The following RHOA variants were observed in gnomAD, a reference collection of about 807,000 sequenced individuals.
RHOA encodes the protein transforming protein RhoA.
Under a neutral mutation model 17.5 loss-of-function variants are expected in RHOA, and 3 were observed. The ratio of observed to expected loss-of-function variants is 0.17; its 90% CI spans 0.08 to 0.44. RHOA has a LOEUF of 0.44. Ranked by LOEUF, RHOA falls within the 20% of genes least tolerant of loss-of-function variation. The probability of loss-of-function intolerance (pLI) is 0.99; values close to 1 mark genes in which losing one functional copy is unlikely to be tolerated. For missense variants in RHOA, 56 were observed against 242.3 expected (o/e 0.23, Z 5.10); for synonymous variants, 98 against 88.4 (o/e 1.11, Z -0.61).
intron 1 of RHOA, among the ~76,000 whole-genome samples, chr3:49,404,327 G>A: frequency 6.6e-6 from 1 of 150,856 alleles, no homozygotes; most frequent in Non-Finnish European, 1.5e-5. Flanking sequence ...AGGCGCAGTG[G>A]CTCACACCCG....
At chr3:49,389,823 GCT>G (rs2107876181) in intron 1 of RHOA, among the ~76,000 whole-genome samples, 1 of 151,318 alleles carries the variant, frequency 6.6e-6, no homozygotes, top group Non-Finnish European at 1.5e-5. Flanking sequence ...TGTAGTCCCA[GCT>G]ACTTGGGAGG....
intron 1 of RHOA, among the ~76,000 whole-genome samples, chr3:49,407,386 G>A (rs1305621724): frequency 6.6e-6 from 1 of 151,788 alleles, no homozygotes; most frequent in African/African-American, 2.4e-5. Context: ...GGCGCCTGCT[G>A]CCACGCCCAG....
chr3:49,365,924 G>T (rs1188605138), intron 3 of RHOA, among the ~76,000 whole-genome samples: 2 of 152,100 alleles, frequency 1.3e-5, no homozygotes, highest in African/African-American at 4.8e-5. Flanking sequence ...GCGCAGCAGT[G>T]TGTGCCTGTA....
At chr3:49,394,514 C>T (rs1465351416) in intron 1 of RHOA, among the ~76,000 whole-genome samples, 1 of 152,050 alleles carries the variant, frequency 6.6e-6, no homozygotes, top group African/African-American at 2.4e-5. Context: ...CCATGCCCAG[C>T]TAATTTTTGT....
intron 1 of RHOA, among the ~76,000 whole-genome samples, chr3:49,392,180 G>A (rs2048523427): frequency 6.6e-6 from 1 of 152,106 alleles, no homozygotes; most frequent in African/African-American, 2.4e-5. Context: ...ATGCTGGTCA[G>A]GCACAGTGAC....
chr3:49,365,544 T>G (rs2048041863), intron 3 of RHOA, among the ~76,000 whole-genome samples: 1 of 152,004 alleles, frequency 6.6e-6, no homozygotes, highest in Non-Finnish European at 1.5e-5. Context: ...ACATAGAATT[T>G]GAATAAATTG....
intron 1 of RHOA, among the ~76,000 whole-genome samples, chr3:49,388,335 A>G (rs1328290138): frequency 2.0e-5 from 3 of 152,106 alleles, no homozygotes; most frequent in Non-Finnish European, 4.4e-5. Flanking sequence ...GAGCCATGAC[A>G]TCCAGCCAGC....
At chr3:49,404,940 CAA>C (rs1234076692) in intron 1 of RHOA, among the ~76,000 whole-genome samples, 1 of 92,092 alleles carries the variant, frequency 1.1e-5, no homozygotes, top group Non-Finnish European at 2.3e-5. Context: ...CTCTTGTCTC[CAA>C]AAAAAAAAAT....
chr3:49,360,535 T>G (rs1027147391), intron 4 of RHOA, among the ~76,000 whole-genome samples, 153 bp from the exon 5 acceptor site: 4 of 152,098 alleles, frequency 2.6e-5, no homozygotes, highest in African/African-American at 9.7e-5. Flanking sequence ...TGGCATGATC[T>G]CAGCTGACTG....
At chr3:49,382,717 A>G (rs2048337012) in intron 1 of RHOA, among the ~76,000 whole-genome samples, 1 of 152,120 alleles carries the variant, frequency 6.6e-6, no homozygotes, top group Admixed American at 6.6e-5. Flanking sequence ...AACAACCAGG[A>G]CCCTATGGGA....
intron 1 of RHOA, among the ~76,000 whole-genome samples, chr3:49,387,679 G>T (rs1313318653): frequency 6.6e-6 from 1 of 150,608 alleles, no homozygotes; most frequent in African/African-American, 2.4e-5. Context: ...CGGGAGCAGA[G>T]GTTGCAGTGA....
intron 1 of RHOA, among the ~76,000 whole-genome samples, chr3:49,401,115 T>C (rs985909386): frequency 6.7e-5 from 10 of 148,492 alleles, no homozygotes; most frequent in Non-Finnish European, 1.3e-4. Context: ...AAATTACTAA[T>C]ATTAGACACT....
At chr3:49,360,945 C>A (rs953295357) in intron 4 of RHOA, 1 of 364,086 alleles carries the variant, frequency 2.7e-6, no homozygotes, top group Non-Finnish European at 5.5e-6. Context: ...TGGTAGTGGG[C>A]GCCTGTAACC....
At chr3:49,393,802 C>T (rs769794543) in intron 1 of RHOA, among the ~76,000 whole-genome samples, 18 of 151,464 alleles carry the variant, frequency 1.2e-4, no homozygotes, top group Admixed American at 2.6e-4. Context: ...CTCCGCCTCC[C>T]GGGTTCAAGC....
chr3:49,364,028 G>T (rs776920016), intron 3 of RHOA, among the ~76,000 whole-genome samples: 2 of 151,718 alleles, frequency 1.3e-5, no homozygotes, highest in Non-Finnish European at 2.9e-5. Context: ...TCCAGCCAGG[G>T]TGACAAAGTG....
intron 1 of RHOA, among the ~76,000 whole-genome samples, chr3:49,408,231 CGT>C (rs2048870171): frequency 6.8e-6 from 1 of 147,436 alleles, no homozygotes; most frequent in Non-Finnish European, 1.5e-5. Flanking sequence ...CATATATATA[CGT>C]ATACACGTAT....
rs370880658 is a variant in RHOA, at chr3:49,404,876, T to C, written c.-3+6944A>G. 2.8e-4 allele frequency among the ~76,000 whole-genome samples: 42 copies of C among 151,256 alleles called. 1 individual carries two copies. The East Asian group carries it at 8.0e-3, about 29-fold the overall frequency. ...ACCGCATGAACCCGGGAGGCAGAGT[T>C]TGCAGTGAGCCGAGATCACGCCACT... On this transcript the variant is annotated intron_variant, in intron 1 of 4. Coordinates refer to ENST00000418115, the MANE Select transcript of RHOA (RefSeq NM_001664.4).
At position 49,393,672 on chromosome 3, in the gene RHOA, CTCTCTGTGTGTGTGTGTGTG is replaced by C. The variant is rs1559512174; in HGVS notation, c.-2-18101_-2-18082del. 3.0e-3 allele frequency among the ~76,000 whole-genome samples: 160 copies of C among 54,234 alleles called. 2 individuals are homozygous for C. Among genetic ancestry groups the C allele is most frequent in the African/African-American group, 7.4e-3 (115 of 15,574 alleles). The allele number at this position is 54,234 out of a possible 152,430, so 35.6% of individuals were successfully genotyped here. On this transcript the variant is annotated intron_variant, in intron 1 of 4. Transcript: ENST00000418115. ...CCACAGGTCCCTTGTCTCAAATTCT[CTCTCTGTGTGTGTGTGTGTG>C]TGTGTGTGTGTGTGTGTGTGTGTGT...
intron 1 of RHOA, among the ~76,000 whole-genome samples, chr3:49,409,264 G>C (rs2048892895): frequency 6.6e-6 from 1 of 151,916 alleles, no homozygotes; most frequent in Admixed American, 6.6e-5. Flanking sequence ...GAATGGTGGT[G>C]GGTGCCTGTA....
Sources: allele counts gnomAD v4.1 joint callset (sites outside exome capture counted in the v4.1 genomes callset), GRCh38; gene constraint gnomAD v4.1.1; transcripts MANE v1.5; gene names NCBI Gene and HGNC (gene_info 2026-07-23, HGNC 2026-07-21).